UNC80: variants seen among roughly 807,000 people sequenced by gnomAD.
UNC80 encodes the protein protein unc-80 homolog.
A neutral mutation model predicts 384.6 loss-of-function variants in UNC80; 164 were observed. The observed-to-expected ratio is 0.43, with a 90% CI of 0.38 to 0.49. The LOEUF is 0.49. Among genes scored for constraint, UNC80 ranks in the 20% least tolerant of loss-of-function variants. UNC80 has a pLI of 0.00. For missense variants in UNC80, 3,330 were observed against 4,143.0 expected (o/e 0.80, Z 5.39); for synonymous variants, 1,486 against 1,527.8 (o/e 0.97, Z 0.64).
chr2:209,778,828 G>A (rs751532688), intron 4 of UNC80, among the ~76,000 whole-genome samples: 10 of 152,232 alleles, frequency 6.6e-5, no homozygotes, highest in Admixed American at 6.5e-4. Context: ...AATGGATCAA[G>A]TTAGCAGTGG....
intron 24 of UNC80, 58 bp downstream of exon 24, chr2:209,878,147 G>C: frequency 6.9e-7 from 1 of 1,443,230 alleles, no homozygotes; most frequent in African/African-American, 1.5e-5. Context: ...TGCTTTAGGA[G>C]CACTTAATAC....
chr2:209,962,118 G>A (rs1321927730), intron 51 of UNC80, among the ~76,000 whole-genome samples: 4 of 152,142 alleles, frequency 2.6e-5, no homozygotes, highest in Admixed American at 6.5e-5. Context: ...GAAAGGGGGC[G>A]TTGTTATGAC....
chr2:209,821,302 C>A (rs974698298), intron 13 of UNC80, among the ~76,000 whole-genome samples: 1 of 152,160 alleles, frequency 6.6e-6, no homozygotes, highest in Non-Finnish European at 1.5e-5. Context: ...CTAGACCAGG[C>A]CCCACCATCA....
In UNC80 at chr2:209,998,015, A is replaced by G. The variant is rs990157427; in HGVS notation, c.*2420A>G. ...AAATGTTCAAAATATTATTAAGTACATGACTAAAAGCTAATTACTACATAT... is the reference window on the plus strand; with the variant it reads ...AAATGTTCAAAATATTATTAAGTACGTGACTAAAAGCTAATTACTACATAT... On this transcript the variant is annotated 3_prime_UTR_variant, in exon 65 of 65. Transcript: ENST00000673920. 6.6e-6 allele frequency: 1 copy of G among 152,234 alleles called. No individual in the cohort carries two copies. Among genetic ancestry groups the G allele is most frequent in the Non-Finnish European group, 1.5e-5 (1 of 68,038 alleles). 9.4% of individuals were successfully genotyped at this position (152,234 alleles called of 1,614,324 possible).
At chr2:209,932,772 T>C (rs534161940) in intron 38 of UNC80, among the ~76,000 whole-genome samples, 20 of 152,314 alleles carry the variant, frequency 1.3e-4, no homozygotes, top group South Asian at 6.2e-4. Context: ...CTGACAGGCA[T>C]GTAGGTTGGA....
chr2:209,930,904 G>C (rs1163352360), intron 37 of UNC80, 64 bp from the exon 38 acceptor site: 1 of 1,221,256 alleles, frequency 8.2e-7, no homozygotes, highest in African/African-American at 1.5e-5. Flanking sequence ...TTTTCAAGAA[G>C]TTAATTTTAT....
intron 5 of UNC80, among the ~76,000 whole-genome samples, chr2:209,788,191 C>T (rs576712774): frequency 4.1e-4 from 62 of 152,038 alleles, no homozygotes; most frequent in Non-Finnish European, 6.5e-4. Context: ...CCGAGGTGGG[C>T]GGATCACCTG....
chr2:209,957,849 C>A, intron 49 of UNC80, 113 bp downstream of exon 49: 2 of 912,418 alleles, frequency 2.2e-6, no homozygotes, highest in South Asian at 2.4e-5. Flanking sequence ...GTGAAAACCT[C>A]CAAGGAAAAG....
Position 209,896,382 on chromosome 2 carries a change from A to G in UNC80, c.4550A>G (p.Glu1517Gly), listed in dbSNP as rs1215521020. Residue 1517 changes from glutamate to glycine, a missense_variant, in exon 28 of 65, where the codon GAG becomes GGG. Around this residue, in one of 8 missense-constraint regions of UNC80, gnomAD observed 801 missense variants for 950.8 expected, o/e 0.84. Coordinates refer to ENST00000673920, the MANE Select transcript of UNC80 (RefSeq NM_001371986.1). ...PEGMSNAGAE[E>G]NYHRNMSWLH... ...GGAATGAGTAATGCCGGCGCGGAGG[A>G]GAATTACCACAGAAACATGTCGTGG... 2 of 1,551,448 alleles carry G rather than the reference A, an allele frequency of 1.3e-6. No individual in the cohort carries two copies. The highest frequency in any genetic ancestry group is 2.4e-5 in the East Asian group (1 of 40,914).
chr2:209,901,054 G>T (rs768188062), intron 28 of UNC80, among the ~76,000 whole-genome samples: 6 of 152,210 alleles, frequency 3.9e-5, no homozygotes, highest in Non-Finnish European at 7.3e-5. Context: ...GAAGCAGCAA[G>T]TACTGATGTA....
In UNC80 at chr2:209,820,338, CTT is replaced by C. The variant is rs993333389; in HGVS notation, c.1991_1992del (p.Leu664GlnfsTer3). 3 of 1,548,320 alleles carry C rather than the reference CTT, an allele frequency of 1.9e-6. No individual in the cohort carries two copies. The African/African-American group carries it at 4.1e-5, about 21-fold the overall frequency. The stretch of plus-strand genomic sequence containing the variant: ...AGTTCTGAAGGCTGTTTATCTTGTC[CTT>C]AATCATGACATCAGCTCTCGTATCT... ...SVVLKAVYLV[L>X]NHDISSRICD... On this transcript the variant is annotated frameshift_variant, in exon 13 of 65. Transcript: ENST00000673920. LOFTEE classifies it high-confidence loss of function.
At chr2:209,930,420 T>A (rs2090763112) in intron 37 of UNC80, among the ~76,000 whole-genome samples, 1 of 152,146 alleles carries the variant, frequency 6.6e-6, no homozygotes. Flanking sequence ...TGATTAAAAA[T>A]TATTTGTTCA....
At chr2:209,814,699 C>T (rs1056344343) in intron 8 of UNC80, among the ~76,000 whole-genome samples, 2 of 152,024 alleles carry the variant, frequency 1.3e-5, no homozygotes, top group African/African-American at 4.8e-5. Context: ...GACCTAATAC[C>T]AGCTTGAACA....
Position 209,957,823 on chromosome 2 carries a change from A to G in UNC80, c.7550+87A>G, listed in dbSNP as rs556923651. On this transcript the variant is annotated intron_variant, in intron 49 of 64. Transcript: ENST00000673920. ...GTTGAGAATGAAAGGAACCCTGAAC[A>G]TAGTCAATATTGAGTGTGAAAACCT... The G allele has an allele frequency of 7.3e-5, 89 of 1,215,838 alleles. No homozygotes were observed. In the South Asian group the frequency reaches 8.1e-4, roughly 11 times the overall value. 75.3% of individuals were successfully genotyped at this position (1,215,838 alleles called of 1,614,324 possible).
chr2:209,915,981 A>G (rs1440805438), intron 31 of UNC80, among the ~76,000 whole-genome samples: 2 of 152,236 alleles, frequency 1.3e-5, no homozygotes, highest in Non-Finnish European at 2.9e-5. Context: ...AAAATACCAC[A>G]TGTACTCCAT....
intron 4 of UNC80, among the ~76,000 whole-genome samples, chr2:209,779,979 C>T (rs2077066555): frequency 6.6e-6 from 1 of 152,136 alleles, no homozygotes; most frequent in South Asian, 2.1e-4. Context: ...ATTTATAAGC[C>T]TCCATTTTCT....
At chr2:209,787,663 G>A (rs2077524587) in intron 5 of UNC80, among the ~76,000 whole-genome samples, 1 of 152,132 alleles carries the variant, frequency 6.6e-6, no homozygotes, top group Non-Finnish European at 1.5e-5. Flanking sequence ...TGTTTGTGGT[G>A]ATGCTGGTTT....
At chr2:209,854,578 A>G (rs1301005185) in intron 22 of UNC80, among the ~76,000 whole-genome samples, 1 of 152,176 alleles carries the variant, frequency 6.6e-6, no homozygotes, top group Non-Finnish European at 1.5e-5. Flanking sequence ...AATATCCAGA[A>G]TCTACAAGGA....
At position 209,962,832 on chromosome 2, in the gene UNC80, G is replaced by A. The variant is rs375627292; in HGVS notation, c.7805+3125G>A. On this transcript the variant is annotated intron_variant, in intron 51 of 64. Transcript: ENST00000673920. Reference sequence around the variant, plus strand: ...TAAGGCTCTCCTATAAGTTAAGTGCGCACTTGAATATGTGTAAAAGTTGGA... The same window carrying A: ...TAAGGCTCTCCTATAAGTTAAGTGCACACTTGAATATGTGTAAAAGTTGGA... Among the ~76,000 whole-genome samples the A allele has an allele frequency of 5.9e-5, 9 of 152,272 alleles. No individual in the cohort carries two copies. The South Asian group carries it at 8.3e-4, about 14-fold the overall frequency.
Sources: allele counts gnomAD v4.1 joint callset (sites outside exome capture counted in the v4.1 genomes callset), GRCh38; gene constraint gnomAD v4.1.1; regional missense constraint gnomAD v4.1.1; transcripts MANE v1.5; gene names NCBI Gene and HGNC (gene_info 2026-07-23, HGNC 2026-07-21).